DNAH9: variants seen among roughly 807,000 people sequenced by gnomAD.
DNAH9 encodes the protein dynein axonemal heavy chain 9, also known as DNAH9 variant protein.
A neutral mutation model predicts 471.6 loss-of-function variants in DNAH9; 345 were observed. That is an observed-to-expected ratio of 0.73 (90% CI 0.67 to 0.80). The LOEUF is 0.80. Ranked by LOEUF, DNAH9 falls within the 30% of genes least tolerant of loss-of-function variation. The pLI, the probability that DNAH9 is intolerant of heterozygous loss-of-function variation, is 0.00. For synonymous variants in DNAH9, 2,093 were observed against 2,123.6 expected (o/e 0.99, Z 0.40); for missense variants, 5,407 against 5,609.2 (o/e 0.96, Z 1.15).
intron 17 of DNAH9, among the ~76,000 whole-genome samples, chr17:11,678,551 G>A (rs1207648353): frequency 2.6e-5 from 4 of 152,136 alleles, no homozygotes; most frequent in Non-Finnish European, 5.9e-5. Flanking sequence ...ACTGTGTCCT[G>A]GCTTCCATTT....
intron 6 of DNAH9, among the ~76,000 whole-genome samples, chr17:11,628,560 C>T (rs2073009837): frequency 6.6e-6 from 1 of 152,200 alleles, no homozygotes; most frequent in Non-Finnish European, 1.5e-5. Context: ...GGTGTAACAT[C>T]CTATGCACGC....
At position 11,745,017 on chromosome 17, in the gene DNAH9, T is replaced by C. The variant is rs1170134195; in HGVS notation, c.6332T>C (p.Phe2111Ser). 1.2e-6 allele frequency: 2 copies of C among 1,614,052 alleles called. No individual in the cohort carries two copies. The highest frequency in any genetic ancestry group is 1.3e-5 in the African/African-American group (1 of 74,906). The change falls in exon 31 of 69, where the codon TTC becomes TCC. Residue 2111 changes from phenylalanine to serine, a missense_variant. Transcript: ENST00000262442. The part of the protein sequence containing the change: ...LDVPRRRDPN[F>S]EALVRKAIVD... ...GTCCCCCGGAGGAGAGACCCCAACT[T>C]CGAAGCTTTGGTTAGGAAGGCGATA... is the stretch of plus-strand genomic sequence containing the variant.
intron 33 of DNAH9, among the ~76,000 whole-genome samples, chr17:11,755,402 G>A (rs1483990691): frequency 6.6e-6 from 1 of 152,144 alleles, no homozygotes; most frequent in African/African-American, 2.4e-5. Context: ...AATCCATACA[G>A]TGTTTTGGGC....
At chr17:11,938,141 T>C (rs1475383088) in intron 66 of DNAH9, among the ~76,000 whole-genome samples, 1 of 151,892 alleles carries the variant, frequency 6.6e-6, no homozygotes, top group East Asian at 1.9e-4. Context: ...CAAGGCAACA[T>C]GGGGGCTCTG....
At chr17:11,764,556 A>G (rs1170259409) in intron 36 of DNAH9, among the ~76,000 whole-genome samples, 3 of 152,030 alleles carry the variant, frequency 2.0e-5, no homozygotes, top group Non-Finnish European at 4.4e-5. Flanking sequence ...GGCAACCTCA[A>G]TTCCTCTCTC....
chr17:11,795,095 T>A (rs910980612), intron 42 of DNAH9, among the ~76,000 whole-genome samples: 5 of 152,178 alleles, frequency 3.3e-5, no homozygotes, highest in African/African-American at 1.2e-4. Flanking sequence ...TATATATATA[T>A]AAGACATTAA....
chr17:11,762,443 C>T (rs1170521887), intron 35 of DNAH9, among the ~76,000 whole-genome samples: 1 of 152,054 alleles, frequency 6.6e-6, no homozygotes, highest in Non-Finnish European at 1.5e-5. Flanking sequence ...TGTGCATGCT[C>T]CTGCTGCATG....
At chr17:11,699,205 C>T (rs948669844) in intron 22 of DNAH9, among the ~76,000 whole-genome samples, 4 of 152,024 alleles carry the variant, frequency 2.6e-5, no homozygotes, top group Non-Finnish European at 4.4e-5. Context: ...GCCAAGATTG[C>T]GCCACTGCAC....
chr17:11,871,803 T>G lies in DNAH9; in HGVS notation c.10242+17T>G. The G allele has an allele frequency of 6.2e-7, 1 of 1,612,414 alleles. No homozygotes were observed. Among genetic ancestry groups the G allele is most frequent in the Non-Finnish European group, 8.5e-7 (1 of 1,178,834 alleles). On this transcript the variant is annotated intron_variant, in intron 52 of 68. Transcript: ENST00000262442. ...CAGCTGAAAGTACGTATGGCCTGAATTTCTCCCGACCACATCAGCCTCTGG... is the reference window on the plus strand; with the variant it reads ...CAGCTGAAAGTACGTATGGCCTGAAGTTCTCCCGACCACATCAGCCTCTGG...
chr17:11,641,992 G>A (rs1255579849), intron 10 of DNAH9, among the ~76,000 whole-genome samples: 1 of 152,124 alleles, frequency 6.6e-6, no homozygotes, highest in Non-Finnish European at 1.5e-5. Context: ...TAGGATGTGG[G>A]CTTTCCTGGG....
In DNAH9 at chr17:11,813,239, A is replaced by C. The variant is rs563976380; in HGVS notation, c.8707+2870A>C. Among the ~76,000 whole-genome samples, 535 of 144,578 alleles carry C rather than the reference A, an allele frequency of 3.7e-3. 2 individuals carry two copies. The highest frequency in any genetic ancestry group is 0.014 in the African/African-American group (515 of 38,100). 94.8% of individuals were successfully genotyped at this position (144,578 alleles called of 152,430 possible). Reference sequence around the variant, plus strand: ...TAAGGCTTCTATATATTCTTTAAGGAAAAAAAAAAAGGTAAAATTTGTGTA... The same window carrying C: ...TAAGGCTTCTATATATTCTTTAAGGCAAAAAAAAAAGGTAAAATTTGTGTA... On this transcript the variant is annotated intron_variant, in intron 45 of 68. Coordinates refer to ENST00000262442, the MANE Select transcript of DNAH9 (RefSeq NM_001372.4).
chr17:11,945,712 C>G (rs1975092187), intron 67 of DNAH9, among the ~76,000 whole-genome samples: 2 of 151,880 alleles, frequency 1.3e-5, no homozygotes, highest in African/African-American at 4.8e-5. Flanking sequence ...ATTCAGGTGA[C>G]AAGTGCACTA....
At position 11,797,722 on chromosome 17, in the gene DNAH9, G is replaced by A. The variant is rs1186010492; in HGVS notation, c.8349G>A (p.Glu2783=). Residue 2783 remains glutamate, a synonymous_variant, in exon 43 of 69, where the codon GAG becomes GAA. Transcript: ENST00000262442. ...AACTTTTGACCCAGACTCTGGTGGA[G>A]GCCTTGGAGAACCACAATGAAGTCA... is the stretch of plus-strand genomic sequence containing the variant. ...SWELLTQTLV[E]ALENHNEVNT... is the part of the protein sequence containing the mutation. 5.6e-6 allele frequency: 9 copies of A among 1,614,240 alleles called. No individual in the cohort carries two copies. Among genetic ancestry groups the A allele is most frequent in the Non-Finnish European group, 7.6e-6 (9 of 1,180,038 alleles).
Position 11,679,922 on chromosome 17 carries a change from T to C in DNAH9, c.3519T>C (p.Ile1173=), listed in dbSNP as rs2074106217. ...TGTTTGAGCCCTTAAAGCAGACTAT[T>C]GAATTGCTGAAGACCTATGAACAAG... ...DEMFEPLKQT[I]ELLKTYEQEL... is the part of the protein sequence containing the mutation. Residue 1173 remains isoleucine, a synonymous_variant, in exon 18 of 69, where the codon ATT becomes ATC. Transcript: ENST00000262442. 1.2e-6 allele frequency: 2 copies of C among 1,614,152 alleles called. No individual in the cohort carries two copies. The highest frequency in any genetic ancestry group is 1.7e-6 in the Non-Finnish European group (2 of 1,180,008).
At chr17:11,637,360 G>A (rs2073184253) in intron 9 of DNAH9, among the ~76,000 whole-genome samples, 1 of 152,158 alleles carries the variant, frequency 6.6e-6, no homozygotes, top group Non-Finnish European at 1.5e-5. Context: ...GGCAAGTCAA[G>A]GTAAGGGATA....
Position 11,704,313 on chromosome 17 carries a change from G to C in DNAH9, c.5262G>C (p.Val1754=), listed in dbSNP as rs771570195. The C allele has an allele frequency of 1.9e-6, 3 of 1,614,152 alleles. No individual in the cohort carries two copies. In the South Asian group the frequency reaches 3.3e-5, roughly 18 times the overall value. Residue 1754 remains valine, a synonymous_variant, in exon 25 of 69, where the codon GTG becomes GTC. Transcript: ENST00000262442. ...SAMKDYYKKQ[V]AQLKTLITML... Reference sequence around the variant, plus strand: ...TGAAGGACTATTATAAGAAGCAAGTGGCCCAGCTCAAAACCCTTATCACCA... The same window carrying C: ...TGAAGGACTATTATAAGAAGCAAGTCGCCCAGCTCAAAACCCTTATCACCA...
chr17:11,952,577 G>A (rs1975426599), intron 67 of DNAH9, among the ~76,000 whole-genome samples: 1 of 152,026 alleles, frequency 6.6e-6, no homozygotes, highest in Non-Finnish European at 1.5e-5. Context: ...TGTAATGTAA[G>A]GCCAAGGACA....
At chr17:11,927,383 G>A (rs150296910) in intron 62 of DNAH9, among the ~76,000 whole-genome samples, 2 of 152,270 alleles carry the variant, frequency 1.3e-5, no homozygotes, top group East Asian at 3.9e-4. Flanking sequence ...GGTTCTTATA[G>A]TTTTGGATTT....
intron 42 of DNAH9, among the ~76,000 whole-genome samples, chr17:11,794,977 G>C (rs1026304442): frequency 7.9e-5 from 12 of 151,936 alleles, no homozygotes; most frequent in African/African-American, 2.7e-4. Context: ...TAATGTAAAT[G>C]ATGAGTTAAT....
Sources: gnomAD v4.1 joint callset for allele counts (sites outside exome capture counted in the v4.1 genomes callset) on GRCh38, gnomAD v4.1.1 for gene constraint, MANE v1.5 for transcripts, NCBI Gene and HGNC (gene_info 2026-07-23, HGNC 2026-07-21) for gene names.